The following PPP2R5A variants were observed in gnomAD, a reference collection of about 807,000 sequenced individuals.
The protein encoded by PPP2R5A is protein phosphatase 2 regulatory subunit B'alpha.
A neutral mutation model predicts 64.2 loss-of-function variants in PPP2R5A; 25 were observed. That is an observed-to-expected ratio of 0.39 (90% confidence interval 0.28 to 0.54). PPP2R5A has a LOEUF of 0.54. Among genes scored for constraint, PPP2R5A ranks in the 20% least tolerant of loss-of-function variants. PPP2R5A has a pLI of 0.67. For synonymous variants in PPP2R5A, 198 were observed against 201.2 expected (o/e 0.98, Z 0.13); for missense variants, 425 against 576.3 (o/e 0.74, Z 2.69).
At chr1:212,310,794 C>T (rs983067879) in intron 1 of PPP2R5A, among the ~76,000 whole-genome samples, 1 of 152,160 alleles carries the variant, frequency 6.6e-6, no homozygotes, top group African/African-American at 2.4e-5. Flanking sequence ...CTTTCAGTTG[C>T]ACTTGTCTAG....
chr1:212,351,423 C>T (rs1387344509), intron 8 of PPP2R5A, among the ~76,000 whole-genome samples: 1 of 152,030 alleles, frequency 6.6e-6, no homozygotes, highest in Non-Finnish European at 1.5e-5. Context: ...TTATAAGTAG[C>T]TCAGAGCTTT....
At chr1:212,320,124 G>C (rs1321693580) in intron 1 of PPP2R5A, among the ~76,000 whole-genome samples, 1 of 151,636 alleles carries the variant, frequency 6.6e-6, no homozygotes, top group African/African-American at 2.4e-5. Flanking sequence ...CTGGGTACTT[G>C]AGATTAGGGA....
chr1:212,348,098 T>G (rs1659815658), intron 6 of PPP2R5A, among the ~76,000 whole-genome samples: 1 of 152,196 alleles, frequency 6.6e-6, no homozygotes, highest in African/African-American at 2.4e-5. Flanking sequence ...CTCCTGGAGC[T>G]TTGGGGGCAA....
chr1:212,317,993 G>A (rs1659191124), intron 1 of PPP2R5A, among the ~76,000 whole-genome samples: 1 of 152,098 alleles, frequency 6.6e-6, no homozygotes. Context: ...ATATTTTCAA[G>A]TTGAGTATTG....
intron 1 of PPP2R5A, among the ~76,000 whole-genome samples, chr1:212,316,932 T>A (rs2102423585): frequency 6.6e-6 from 1 of 152,308 alleles, no homozygotes; most frequent in Admixed American, 6.5e-5. Context: ...GAAGCGTGAA[T>A]GCTTGACTGT....
chr1:212,301,574 CAT>C (rs1194329354), intron 1 of PPP2R5A, among the ~76,000 whole-genome samples: 2 of 152,144 alleles, frequency 1.3e-5, no homozygotes, highest in African/African-American at 4.8e-5. Flanking sequence ...CTTAATAAGT[CAT>C]ATTTAGTCAC....
intron 3 of PPP2R5A, chr1:212,333,852 A>G: frequency 3.4e-6 from 1 of 296,752 alleles, no homozygotes; most frequent in Non-Finnish European, 6.2e-6. Flanking sequence ...GCCATGTTAT[A>G]CAACCCATCA....
At chr1:212,315,133 A>G (rs1472756867) in intron 1 of PPP2R5A, among the ~76,000 whole-genome samples, 5 of 152,256 alleles carry the variant, frequency 3.3e-5, no homozygotes, top group Admixed American at 3.3e-4. Context: ...ATGGGAACAC[A>G]TAATCAGAAT....
chr1:212,327,716 T>C (rs889775589), intron 1 of PPP2R5A, among the ~76,000 whole-genome samples: 3 of 151,948 alleles, frequency 2.0e-5, no homozygotes, highest in Non-Finnish European at 4.4e-5. Context: ...ACCGGCCCAT[T>C]TTTTGAGTGC....
chr1:212,349,876 G>C (rs1456966505), intron 8 of PPP2R5A, among the ~76,000 whole-genome samples: 1 of 152,082 alleles, frequency 6.6e-6, no homozygotes, highest in African/African-American at 2.4e-5. Context: ...GATGAAGTAG[G>C]GTGAAACAGA....
At chr1:212,329,700 G>A (rs1659465955) in intron 2 of PPP2R5A, among the ~76,000 whole-genome samples, 1 of 152,148 alleles carries the variant, frequency 6.6e-6, no homozygotes, top group Admixed American at 6.6e-5. Flanking sequence ...AGGCTGGAGT[G>A]CAGTGGTGCG....
intron 2 of PPP2R5A, among the ~76,000 whole-genome samples, chr1:212,332,696 T>C (rs1415939987): frequency 6.6e-6 from 1 of 152,092 alleles, no homozygotes; most frequent in Non-Finnish European, 1.5e-5. Context: ...TAGTGTGGTA[T>C]GTATGTATAA....
chr1:212,293,391 T>A (rs528459640), intron 1 of PPP2R5A, among the ~76,000 whole-genome samples: 1 of 152,346 alleles, frequency 6.6e-6, no homozygotes, highest in South Asian at 2.1e-4. Flanking sequence ...TTTATAAGGA[T>A]GTCCTTGAAG....
intron 3 of PPP2R5A, among the ~76,000 whole-genome samples, chr1:212,334,979 C>G (rs189114217): frequency 2.0e-5 from 3 of 151,938 alleles, no homozygotes; most frequent in African/African-American, 4.8e-5. Context: ...AAATATTTTT[C>G]CTGCCCTTTT....
intron 1 of PPP2R5A, among the ~76,000 whole-genome samples, chr1:212,321,439 C>A (rs1196555129): frequency 6.6e-6 from 1 of 150,956 alleles, no homozygotes; most frequent in Non-Finnish European, 1.5e-5. Context: ...GACGGAGTGG[C>A]TGCCGGGCGG....
At chr1:212,319,713 C>G (rs11119911) in intron 1 of PPP2R5A, among the ~76,000 whole-genome samples, 1 of 149,974 alleles carries the variant, frequency 6.7e-6, no homozygotes, top group Non-Finnish European at 1.5e-5. Context: ...CTCTGCCTCC[C>G]GGGTTCAAGC....
chr1:212,305,319 G>A (rs948186823), intron 1 of PPP2R5A, among the ~76,000 whole-genome samples: 14 of 151,910 alleles, frequency 9.2e-5, no homozygotes, highest in African/African-American at 2.2e-4. Context: ...CACCGCGCCC[G>A]GCTCCAGCCC....
intron 3 of PPP2R5A, among the ~76,000 whole-genome samples, chr1:212,339,798 C>T (rs1659655673): frequency 6.6e-6 from 1 of 151,966 alleles, no homozygotes; most frequent in Non-Finnish European, 1.5e-5. Flanking sequence ...AAGCCTTAAA[C>T]CCTATATTTC....
At chr1:212,299,935 C>T (rs1177408498) in intron 1 of PPP2R5A, among the ~76,000 whole-genome samples, 1 of 152,000 alleles carries the variant, frequency 6.6e-6, no homozygotes, top group Non-Finnish European at 1.5e-5. Flanking sequence ...GCCTCAGCCT[C>T]CCGAGTAGCT....
Sources: gnomAD v4.1 joint callset for allele counts (sites outside exome capture counted in the v4.1 genomes callset) on GRCh38, gnomAD v4.1.1 for gene constraint, MANE v1.5 for transcripts, NCBI Gene and HGNC (gene_info 2026-07-23, HGNC 2026-07-21) for gene names.